Variants in KIAA0825 observed in about 807,000 individuals in gnomAD.
KIAA0825 encodes the protein uncharacterized protein KIAA0825.
Under a neutral mutation model 147.6 loss-of-function variants are expected in KIAA0825, and 119 were observed. The observed-to-expected ratio is 0.81, with a 90% CI of 0.69 to 0.94. The LOEUF (loss-of-function observed/expected upper bound fraction) is 0.94. KIAA0825 is among the 40% of genes least tolerant of loss of function. KIAA0825 has a pLI of 0.00. For synonymous variants in KIAA0825, 470 were observed against 518.1 expected (o/e 0.91, Z 1.26); for missense variants, 1,381 against 1,472.7 (o/e 0.94, Z 1.02).
chr5:94,172,624 T>C (rs1347030767), intron 20 of KIAA0825, among the ~76,000 whole-genome samples: 1 of 152,200 alleles, frequency 6.6e-6, no homozygotes, highest in East Asian at 1.9e-4. Flanking sequence ...AGCAAGCTTC[T>C]TTAAGTTAGA....
At chr5:94,491,168 G>A (rs1028395914) in intron 5 of KIAA0825, among the ~76,000 whole-genome samples, 1 of 152,096 alleles carries the variant, frequency 6.6e-6, no homozygotes, top group Non-Finnish European at 1.5e-5. Context: ...ATTATTGACT[G>A]TAAATGGATC....
intron 20 of KIAA0825, among the ~76,000 whole-genome samples, chr5:94,235,785 A>G (rs1775009672): frequency 6.6e-6 from 1 of 152,304 alleles, no homozygotes; most frequent in Middle Eastern, 3.4e-3. Flanking sequence ...TTACCATTCC[A>G]AAAATCCTAG....
chr5:94,197,413 G>A (rs1771237742), intron 20 of KIAA0825, among the ~76,000 whole-genome samples: 1 of 152,092 alleles, frequency 6.6e-6, no homozygotes, highest in African/African-American at 2.4e-5. Flanking sequence ...CTATTCTGTA[G>A]GTTGTCTGTT....
chr5:94,420,461 G>A (rs1435472895), intron 14 of KIAA0825, among the ~76,000 whole-genome samples: 1 of 152,142 alleles, frequency 6.6e-6, no homozygotes, highest in Non-Finnish European at 1.5e-5. Flanking sequence ...TGAATGCAAA[G>A]CACTCAGTCC....
chr5:94,582,231 G>A (rs1388722367), intron 2 of KIAA0825, among the ~76,000 whole-genome samples: 1 of 152,110 alleles, frequency 6.6e-6, no homozygotes, highest in Non-Finnish European at 1.5e-5. Context: ...AGAAGACTTG[G>A]TTAAAAATCA....
At chr5:94,409,556 T>C (rs1661315603) in intron 15 of KIAA0825, among the ~76,000 whole-genome samples, 1 of 152,012 alleles carries the variant, frequency 6.6e-6, no homozygotes, top group African/African-American at 2.4e-5. Flanking sequence ...CTGCATAAAG[T>C]TTCCTTTCAG....
At chr5:94,238,557 T>C (rs1775184429) in intron 20 of KIAA0825, among the ~76,000 whole-genome samples, 1 of 152,240 alleles carries the variant, frequency 6.6e-6, no homozygotes, top group Non-Finnish European at 1.5e-5. Context: ...ATCATGGCTA[T>C]GTCCCTGACA....
chr5:94,216,675 C>T (rs1773229066), intron 20 of KIAA0825, among the ~76,000 whole-genome samples: 1 of 152,268 alleles, frequency 6.6e-6, no homozygotes, highest in Admixed American at 6.5e-5. Flanking sequence ...TTCTCACTTC[C>T]CCCACATAGA....
chr5:94,572,228 G>A (rs1780116631), intron 2 of KIAA0825, among the ~76,000 whole-genome samples: 2 of 152,176 alleles, frequency 1.3e-5, no homozygotes, highest in South Asian at 4.1e-4. Flanking sequence ...GGCCAGCAGG[G>A]CTGGCAGCAT....
At chr5:94,329,250 T>A (rs1285253893) in intron 20 of KIAA0825, among the ~76,000 whole-genome samples, 1 of 152,038 alleles carries the variant, frequency 6.6e-6, no homozygotes, top group Non-Finnish European at 1.5e-5. Flanking sequence ...TGGAAAGCAC[T>A]GAAAGCGATC....
chr5:94,462,967 CACA>C (rs1760021539), intron 11 of KIAA0825, among the ~76,000 whole-genome samples: 1 of 151,762 alleles, frequency 6.6e-6, no homozygotes, highest in Non-Finnish European at 1.5e-5. Context: ...AATTTCATAG[CACA>C]ACAATTCTCC....
At chr5:94,509,716 C>T (rs1426010361) in intron 5 of KIAA0825, among the ~76,000 whole-genome samples, 1 of 152,192 alleles carries the variant, frequency 6.6e-6, no homozygotes, top group Non-Finnish European at 1.5e-5. Flanking sequence ...AGATTTGTCA[C>T]ATTTTTACAT....
At chr5:94,246,806 C>G (rs1775644829) in intron 20 of KIAA0825, among the ~76,000 whole-genome samples, 1 of 152,132 alleles carries the variant, frequency 6.6e-6, no homozygotes, top group South Asian at 2.1e-4. Context: ...GCAGCAAAGC[C>G]AAGATCCAAA....
chr5:94,457,783 G>T (rs376397067), intron 12 of KIAA0825, among the ~76,000 whole-genome samples: 4 of 152,316 alleles, frequency 2.6e-5, no homozygotes, highest in Admixed American at 6.5e-5. Flanking sequence ...CTCTTGTGTC[G>T]TGTTGCTTTC....
chr5:94,468,440 G>A (rs74939426), intron 10 of KIAA0825, among the ~76,000 whole-genome samples: 5,238 of 152,248 alleles, frequency 0.034, 164 homozygotes, highest in South Asian at 0.14. Context: ...ATATGATGCT[G>A]CCAGGAGAGG....
At chr5:94,366,280 C>A (rs1052840666) in intron 20 of KIAA0825, among the ~76,000 whole-genome samples, 3 of 152,216 alleles carry the variant, frequency 2.0e-5, no homozygotes, top group African/African-American at 7.2e-5. Context: ...AGTGAACCCA[C>A]TGCGGGGTTA....
intron 19 of KIAA0825, among the ~76,000 whole-genome samples, chr5:94,386,036 G>T (rs973806841): frequency 3.3e-5 from 5 of 152,070 alleles, no homozygotes; most frequent in African/African-American, 1.2e-4. Context: ...AAGTTTTACA[G>T]ACCAAACATA....
At chr5:94,598,093 A>T (rs1377351018) in intron 1 of KIAA0825, among the ~76,000 whole-genome samples, 7 of 152,136 alleles carry the variant, frequency 4.6e-5, no homozygotes, top group Non-Finnish European at 8.8e-5. Context: ...TTCTTTTGTC[A>T]ATAATAAATT....
intron 20 of KIAA0825, among the ~76,000 whole-genome samples, chr5:94,187,208 G>C (rs979154498): frequency 1.3e-5 from 2 of 151,944 alleles, no homozygotes; most frequent in Non-Finnish European, 2.9e-5. Context: ...TTGTTGAGTA[G>C]GAAGAAGAAA....
Sources: allele counts gnomAD v4.1 joint callset (sites outside exome capture counted in the v4.1 genomes callset), GRCh38; gene constraint gnomAD v4.1.1; transcripts MANE v1.5; gene names NCBI Gene and HGNC (gene_info 2026-07-23, HGNC 2026-07-21).